PLA2G4E: variants seen among roughly 807,000 people sequenced by gnomAD.
The protein encoded by PLA2G4E is cytosolic phospholipase A2 epsilon.
PLA2G4E carries 84 observed loss-of-function variants against 109.1 expected under a neutral mutation model. The observed-to-expected ratio is 0.77, with a 90% CI of 0.65 to 0.92. The LOEUF (loss-of-function observed/expected upper bound fraction) is 0.92. Among genes scored for constraint, PLA2G4E ranks in the 40% least tolerant of loss-of-function variants. The pLI, the probability that PLA2G4E is intolerant of heterozygous loss-of-function variation, is 0.00. For missense variants in PLA2G4E, 1,057 were observed against 1,076.6 expected, an observed-to-expected ratio of 0.98 and a Z score of 0.25; for synonymous variants, 469 against 436.1, an observed-to-expected ratio of 1.08 and a Z score of -0.94.
intron 1 of PLA2G4E, among the ~76,000 whole-genome samples, chr15:42,015,652 A>T (rs1400769605): frequency 1.3e-5 from 2 of 152,240 alleles, no homozygotes; most frequent in Non-Finnish European, 2.9e-5. Flanking sequence ...GTTAAAGGCA[A>T]CAGCGGCCAG....
rs1424618619 is a variant in PLA2G4E at position 42,008,781 on chromosome 15, G to GATACACACCAGA, written c.257-917_257-916insTCTGGTGTGTAT. On this transcript the variant is annotated intron_variant, in intron 2 of 19. Coordinates refer to ENST00000399518, the Ensembl canonical transcript of PLA2G4E. ...GCAGTTGGTGAGGGTGAGGCCCAGG[G>GATACACACCAGA]TACACACCAGATACATAGGAAATGG... Among the ~76,000 whole-genome samples, 8 of 152,290 alleles carry GATACACACCAGA rather than the reference G, an allele frequency of 5.3e-5. No homozygotes were observed. The South Asian group carries it at 6.2e-4, about 12-fold the overall frequency.
intron 1 of PLA2G4E, among the ~76,000 whole-genome samples, chr15:42,026,419 A>G (rs2068693517): frequency 6.6e-6 from 1 of 152,236 alleles, no homozygotes; most frequent in Admixed American, 6.5e-5. Context: ...GGCAGGCTGT[A>G]AAAAATTAAC....
chr15:42,004,347 A>AGAGAGAGG (rs1199722582), intron 5 of PLA2G4E, among the ~76,000 whole-genome samples: 82 of 148,902 alleles, frequency 5.5e-4, no homozygotes, highest in African/African-American at 1.8e-3. Context: ...AGGGAAAGAA[A>AGAGAGAGG]GAGAGAGGGA....
chr15:41,994,939 C>T (rs746637581), intron 12 of PLA2G4E, among the ~76,000 whole-genome samples: 16 of 152,336 alleles, frequency 1.1e-4, no homozygotes, highest in Admixed American at 6.5e-4. Context: ...GTGCTCAGCC[C>T]CTGGCCCTGC....
Position 42,032,395 on chromosome 15 carries a change from G to A in PLA2G4E, c.183+18126C>T, listed in dbSNP as rs547221679. ...GGGTCCCTGCCCACCACCCCACAGG[G>A]AAGGGGAGGCAGAAGGGGCAGTGTC... On this transcript the variant is annotated intron_variant, in intron 1 of 19. Transcript: ENST00000399518. Among the ~76,000 whole-genome samples, 6 of 152,346 alleles carry A rather than the reference G, an allele frequency of 3.9e-5. No homozygotes were observed. The South Asian group carries it at 1.2e-3, about 32-fold the overall frequency.
chr15:42,038,968 G>A (rs1423359235), intron 1 of PLA2G4E, among the ~76,000 whole-genome samples: 1 of 152,096 alleles, frequency 6.6e-6, no homozygotes, highest in East Asian at 1.9e-4. Context: ...CTAATCCAGT[G>A]GATATAAAAT....
chr15:41,994,002 C>T (rs1203237985), intron 12 of PLA2G4E, among the ~76,000 whole-genome samples: 7 of 150,924 alleles, frequency 4.6e-5, no homozygotes, highest in African/African-American at 9.7e-5. Flanking sequence ...TCCGGGAGGA[C>T]GCAGGTGCCC....
At chr15:42,013,389 C>T (rs993267972) in intron 2 of PLA2G4E, among the ~76,000 whole-genome samples, 2 of 152,152 alleles carry the variant, frequency 1.3e-5, no homozygotes, top group African/African-American at 2.4e-5. Flanking sequence ...GGGGAGGAGA[C>T]AGAGGGCGAA....
intron 1 of PLA2G4E, among the ~76,000 whole-genome samples, chr15:42,037,029 C>A (rs911905214): frequency 6.6e-6 from 1 of 152,226 alleles, no homozygotes; most frequent in Non-Finnish European, 1.5e-5. Context: ...GTATGCCAGC[C>A]CCCTGCCGCT....
At chr15:42,010,142 C>CCGCCCCCG (rs1555387037) in intron 2 of PLA2G4E, 2 of 454,254 alleles carry the variant, frequency 4.4e-6, no homozygotes, top group South Asian at 3.8e-5. Context: ...GCCCCCCCAC[C>CCGCCCCCG]CCGGGCCTGG....
intron 9 of PLA2G4E, 128 bp from the exon 10 acceptor site, chr15:41,999,689 T>C: frequency 8.1e-7 from 1 of 1,241,144 alleles, no homozygotes; most frequent in South Asian, 1.4e-5. Context: ...TCCCTGCCTC[T>C]CTCTTCTGGA....
intron 11 of PLA2G4E, 128 bp from the exon 12 acceptor site, chr15:41,995,624 C>T (rs112964766): frequency 3.2e-5 from 39 of 1,201,262 alleles, no homozygotes; most frequent in Middle Eastern, 2.2e-4. Flanking sequence ...GCAGGGAGTG[C>T]GGCGTTGAGC....
At chr15:42,041,443 G>A (rs983455616) in intron 1 of PLA2G4E, among the ~76,000 whole-genome samples, 2 of 152,114 alleles carry the variant, frequency 1.3e-5, no homozygotes, top group East Asian at 1.9e-4. Context: ...CCTCCCTTAC[G>A]AATCCAGTTG....
Position 41,997,279 on chromosome 15 carries a change from TG to T in PLA2G4E, c.975-21del. The T allele has an allele frequency of 1.3e-6, 2 of 1,530,608 alleles. No homozygotes were observed. Among genetic ancestry groups the T allele is most frequent in the Non-Finnish European group, 1.8e-6 (2 of 1,134,230 alleles). 94.8% of individuals were successfully genotyped at this position (1,530,608 alleles called of 1,614,324 possible). On this transcript the variant is annotated intron_variant, in intron 10 of 19. Transcript: ENST00000399518. ...TCAGGGCTGGAGGGAGAGAGGACCC[TG>T]TATTGGGCCTGCAGCCTCTACCTCC... is the stretch of plus-strand genomic sequence containing the variant.
At chr15:41,997,190 C>G in exon 11 of PLA2G4E, 2 of 1,557,496 alleles carry the variant, frequency 1.3e-6, no homozygotes, top group Non-Finnish European at 1.7e-6. Flanking sequence ...CCACGACCTT[C>G]CGCTTCTGCA....
intron 9 of PLA2G4E, 86 bp from the exon 10 acceptor site, chr15:41,999,647 C>A: frequency 6.6e-7 from 1 of 1,516,454 alleles, no homozygotes; most frequent in Non-Finnish European, 9.0e-7. Context: ...CCAGACCCCA[C>A]TCAGCACACA....
chr15:42,020,615 T>A (rs1318784018), intron 1 of PLA2G4E, among the ~76,000 whole-genome samples: 1 of 147,508 alleles, frequency 6.8e-6, no homozygotes, highest in Non-Finnish European at 1.5e-5. Context: ...CAAATGTGGA[T>A]CCCCCTGGCA....
intron 2 of PLA2G4E, among the ~76,000 whole-genome samples, chr15:42,012,684 C>T (rs1447594093): frequency 6.6e-6 from 1 of 152,238 alleles, no homozygotes; most frequent in Non-Finnish European, 1.5e-5. Context: ...TCTAAACTCC[C>T]TGGTGACAAG....
At chr15:42,002,287 A>C (rs2457509) in intron 6 of PLA2G4E, among the ~76,000 whole-genome samples, 1,966 of 140,872 alleles carry the variant, frequency 0.014, 67 homozygotes, top group African/African-American at 0.051. Flanking sequence ...AAAAAAAAAA[A>C]GGTAAACTGT....
Sources: gnomAD v4.1 joint callset for allele counts (sites outside exome capture counted in the v4.1 genomes callset) on GRCh38, gnomAD v4.1.1 for gene constraint, MANE v1.5 for transcripts, NCBI Gene and HGNC (gene_info 2026-07-23, HGNC 2026-07-21) for gene names.